The following ACY3 variants were observed in gnomAD, a reference collection of about 807,000 sequenced individuals.
ACY3 encodes aminoacylase 3.
In ACY3, 20 loss-of-function variants were observed where a neutral mutation model predicts 24.6. The ratio of observed to expected loss-of-function variants is 0.81; its 90% CI spans 0.57 to 1.18. The LOEUF (loss-of-function observed/expected upper bound fraction) is 1.18. ACY3 is among the 50% of genes most tolerant of loss of function. The pLI is 0.00. For missense variants in ACY3, 423 were observed against 426.8 expected, an observed-to-expected ratio of 0.99 and a Z score of 0.08; for synonymous variants, 174 against 188.4, an observed-to-expected ratio of 0.92 and a Z score of 0.62.
At chr11:67,643,254 T>C (rs1347581088) in intron 7 of ACY3, among the ~76,000 whole-genome samples, 2 of 152,268 alleles carry the variant, frequency 1.3e-5, no homozygotes, top group East Asian at 3.8e-4. Flanking sequence ...ACTTAACCTC[T>C]GTTTCTCAGC....
At chr11:67,649,760 AGCAT>A (rs1456295100) in intron 1 of ACY3, among the ~76,000 whole-genome samples, 1 of 138,646 alleles carries the variant, frequency 7.2e-6, no homozygotes, top group Non-Finnish European at 1.5e-5. Flanking sequence ...CATGTGTGAC[AGCAT>A]GCATGTGTGC....
intron 7 of ACY3, among the ~76,000 whole-genome samples, chr11:67,643,317 TTAGAC>T (rs1269182003): frequency 7.9e-5 from 12 of 152,380 alleles, no homozygotes; most frequent in African/African-American, 2.9e-4. Context: ...ATTCTGAAGT[TTAGAC>T]TAAACAGGTT....
chr11:67,643,949 C>T (rs2514032), intron 7 of ACY3, among the ~76,000 whole-genome samples: 36,321 of 150,996 alleles, frequency 0.24, 5,615 homozygotes, highest in African/African-American at 0.45. Context: ...GAGTTGAGAT[C>T]GCACCACTGC....
chr11:67,646,949 C>T lies in ACY3; in HGVS notation c.95G>A (p.Arg32Gln), dbSNP rs770448858. Residue 32 changes from arginine (R) to glutamine (Q), a missense_variant, in exon 3 of 8, where the codon CGG becomes CAG. By Grantham distance (43) the Arg-to-Gln change is conservative (BLOSUM62 1). Coordinates refer to ENST00000255082, the MANE Select transcript of ACY3 (RefSeq NM_080658.2). ...CTCTGCGGGGGCATGCAGCCAGTGC[C>T]GGGCCAGGTAGACGCCCGACATCTC... ...GNEMSGVYLARHWLHAPAELQ... is the reference protein window; with the variant it reads ...GNEMSGVYLAQHWLHAPAELQ... 44 of 1,596,298 alleles carry T rather than the reference C, an allele frequency of 2.8e-5. No individual in the cohort carries two copies. The highest frequency in any genetic ancestry group is 1.7e-4 in the South Asian group (15 of 89,132).
At chr11:67,649,767 A>ATGTGTGCG (rs994240387) in intron 1 of ACY3, among the ~76,000 whole-genome samples, 1 of 127,826 alleles carries the variant, frequency 7.8e-6, no homozygotes, top group African/African-American at 3.2e-5. Flanking sequence ...GACAGCATGC[A>ATGTGTGCG]TGTGTGCGTG....
At chr11:67,645,519 G>T in intron 4 of ACY3, 139 bp from the exon 5 acceptor site, 2 of 1,213,572 alleles carry the variant, frequency 1.6e-6, no homozygotes, top group Non-Finnish European at 2.3e-6. Flanking sequence ...GGGTAGGGGA[G>T]GGGGTACCGG....
intron 3 of ACY3, 122 bp from the exon 4 acceptor site, chr11:67,646,009 C>T (rs868471470): frequency 1.0e-6 from 1 of 966,416 alleles, no homozygotes; most frequent in Non-Finnish European, 1.5e-6. Flanking sequence ...AGGGCTTTCC[C>T]TTCAGACGTT....
At position 67,647,520 on chromosome 11, in the gene ACY3, G is replaced by C. The variant is rs1196124054; in HGVS notation, c.-25C>G. On this transcript the variant is annotated 5_prime_UTR_variant, in exon 2 of 8. In the 5' UTR this introduces an upstream ATG that the reference lacks. Transcript: ENST00000255082. Reference sequence around the variant, plus strand: ...CTCAGGTCAGGGGGTACTTACCGCTGATGCGGATCTGGGCTTCCCGGGCCA... The same window carrying C: ...CTCAGGTCAGGGGGTACTTACCGCTCATGCGGATCTGGGCTTCCCGGGCCA... The C allele has an allele frequency of 6.5e-6, 1 of 154,670 alleles. No homozygotes were observed. Among genetic ancestry groups the C allele is most frequent in the Non-Finnish European group, 1.4e-5 (1 of 69,930 alleles). The allele number at this position is 154,670 out of a possible 1,614,324, so 9.6% of individuals were successfully genotyped here.
intron 7 of ACY3, among the ~76,000 whole-genome samples, chr11:67,644,362 A>C (rs922286311): frequency 6.6e-6 from 1 of 152,210 alleles, no homozygotes; most frequent in Non-Finnish European, 1.5e-5. Flanking sequence ...GCCAACATGC[A>C]TGGGGATGCT....
chr11:67,649,692 T>C (rs994071387), intron 1 of ACY3, among the ~76,000 whole-genome samples: 1 of 149,870 alleles, frequency 6.7e-6, no homozygotes, highest in African/African-American at 2.5e-5. Context: ...TGTGTGCATG[T>C]GTGCATGTAT....
chr11:67,650,170 C>T (rs1289420940), intron 1 of ACY3, among the ~76,000 whole-genome samples: 1 of 152,070 alleles, frequency 6.6e-6, no homozygotes, highest in Non-Finnish European at 1.5e-5. Context: ...GGCATCATCA[C>T]GGGGGCCAAT....
intron 7 of ACY3, among the ~76,000 whole-genome samples, chr11:67,643,417 C>T (rs1374132440): frequency 5.3e-5 from 8 of 152,184 alleles, no homozygotes; most frequent in South Asian, 4.1e-4. Context: ...CAGTGGCTCA[C>T]GCCTGTAATC....
intron 4 of ACY3, 89 bp from the exon 5 acceptor site, chr11:67,645,469 C>A: frequency 7.1e-7 from 1 of 1,406,554 alleles, no homozygotes. Context: ...AAACACAGGG[C>A]ACCACCCTCC....
At chr11:67,644,943 T>A in intron 6 of ACY3, 74 bp from the exon 7 acceptor site, 1 of 1,586,252 alleles carries the variant, frequency 6.3e-7, no homozygotes, top group Non-Finnish European at 8.7e-7. Flanking sequence ...TGGGGGTACG[T>A]CAGGGCTAGA....
In ACY3 at chr11:67,645,385, G is replaced by A; in HGVS notation, c.433-5C>T. On this transcript the variant is annotated splice_polypyrimidine_tract_variant and splice_region_variant and intron_variant, in intron 4 of 7. Transcript: ENST00000255082. ...GGACAGCTCGGGGTACTGCAGCTGG[G>A]GGCGAGAGAGGCAGGTTAGGGGCCC... 1.9e-6 allele frequency: 3 copies of A among 1,612,596 alleles called. No homozygotes were observed. The highest frequency in any genetic ancestry group is 2.5e-6 in the Non-Finnish European group (3 of 1,179,656).
chr11:67,644,737 C>CAA, intron 7 of ACY3, 23 bp downstream of exon 7: 1 of 1,473,104 alleles, frequency 6.8e-7, no homozygotes, highest in Non-Finnish European at 9.0e-7. Flanking sequence ...CCCCACCACA[C>CAA]ACACACACAC....
chr11:67,644,706 G>A, intron 7 of ACY3, 54 bp downstream of exon 7: 1 of 1,484,730 alleles, frequency 6.7e-7, no homozygotes, highest in East Asian at 2.5e-5. Flanking sequence ...CCTCCCCAAG[G>A]CTGTGGCCCC....
chr11:67,648,143 G>A (rs752908603), intron 1 of ACY3, among the ~76,000 whole-genome samples: 5 of 152,200 alleles, frequency 3.3e-5, no homozygotes, highest in South Asian at 2.1e-4. Flanking sequence ...CAGATGACTC[G>A]GTTTGCCCTG....
intron 7 of ACY3, 45 bp downstream of exon 7, chr11:67,644,715 C>A: frequency 1.3e-6 from 2 of 1,494,990 alleles, no homozygotes; most frequent in African/African-American, 1.5e-5. Flanking sequence ...GGCTGTGGCC[C>A]CAGAAATCAC....
Sources: gnomAD v4.1 joint callset for allele counts (sites outside exome capture counted in the v4.1 genomes callset) on GRCh38, gnomAD v4.1.1 for gene constraint, MANE v1.5 for transcripts, NCBI Gene and HGNC (gene_info 2026-07-23, HGNC 2026-07-21) for gene names.